BRINP3: variants seen among roughly 807,000 people sequenced by gnomAD.
BRINP3 encodes BMP/retinoic acid-inducible neural-specific protein 3.
Under a neutral mutation model 71.0 loss-of-function variants are expected in BRINP3, and 19 were observed. The ratio of observed to expected loss-of-function variants is 0.27; its 90% CI spans 0.19 to 0.39. The LOEUF (loss-of-function observed/expected upper bound fraction) is 0.39, where lower values mean the gene tolerates loss of function less well. Among genes scored for constraint, BRINP3 ranks in the 10% least tolerant of loss-of-function variants. BRINP3 has a pLI of 1.00. For missense variants in BRINP3, 959 were observed against 940.8 expected (o/e 1.02, Z -0.25); for synonymous variants, 380 against 337.7 (o/e 1.13, Z -1.37).
At chr1:190,260,558 A>T (rs938859115) in intron 4 of BRINP3, among the ~76,000 whole-genome samples, 1 of 151,518 alleles carries the variant, frequency 6.6e-6, no homozygotes, top group African/African-American at 2.4e-5. Flanking sequence ...ATATATATAT[A>T]GAGAGAGAGA....
chr1:190,269,687 T>G (rs550355511), intron 3 of BRINP3, among the ~76,000 whole-genome samples: 1 of 152,070 alleles, frequency 6.6e-6, no homozygotes, highest in South Asian at 2.1e-4. Flanking sequence ...AAATACAAAT[T>G]AAAAGTAATT....
chr1:190,295,327 C>G (rs1010424719), intron 2 of BRINP3, among the ~76,000 whole-genome samples: 5 of 152,062 alleles, frequency 3.3e-5, no homozygotes, highest in African/African-American at 4.8e-5. Flanking sequence ...GGGTCTTAGG[C>G]AAAGCCCCTG....
intron 3 of BRINP3, among the ~76,000 whole-genome samples, chr1:190,273,542 A>C (rs1558133041): frequency 6.6e-6 from 1 of 151,596 alleles, no homozygotes; most frequent in Non-Finnish European, 1.5e-5. Context: ...GGATGCTTTC[A>C]TAGAAAATGG....
At chr1:190,228,125 G>A (rs745642488) in intron 5 of BRINP3, among the ~76,000 whole-genome samples, 1 of 151,842 alleles carries the variant, frequency 6.6e-6, no homozygotes, top group East Asian at 1.9e-4. Flanking sequence ...AAAATACTTA[G>A]AGGCATAAAA....
chr1:190,187,544 T>C (rs1653640067), intron 6 of BRINP3, among the ~76,000 whole-genome samples: 1 of 152,132 alleles, frequency 6.6e-6, no homozygotes, highest in Non-Finnish European at 1.5e-5. Context: ...CTATTTTTAC[T>C]TGATTTATGT....
intron 2 of BRINP3, among the ~76,000 whole-genome samples, chr1:190,360,784 A>G (rs903691131): frequency 2.0e-5 from 3 of 152,132 alleles, no homozygotes; most frequent in Non-Finnish European, 4.4e-5. Context: ...TGTGTTGAGC[A>G]CAGCAGTTAT....
chr1:190,187,763 T>C (rs922530046), intron 6 of BRINP3, among the ~76,000 whole-genome samples: 14 of 152,084 alleles, frequency 9.2e-5, no homozygotes, highest in African/African-American at 3.1e-4. Context: ...GTTTTTTGTG[T>C]TTTTCTTTTT....
At chr1:190,207,244 C>T (rs897596069) in intron 6 of BRINP3, among the ~76,000 whole-genome samples, 11 of 152,096 alleles carry the variant, frequency 7.2e-5, no homozygotes, top group African/African-American at 2.7e-4. Context: ...GGCAAGACTT[C>T]ATGCTTCAAT....
intron 2 of BRINP3, among the ~76,000 whole-genome samples, chr1:190,429,724 G>C (rs1304955862): frequency 6.6e-6 from 1 of 151,600 alleles, no homozygotes; most frequent in South Asian, 2.1e-4. Flanking sequence ...CCAAGTAGCT[G>C]GGATTACAGG....
intron 6 of BRINP3, among the ~76,000 whole-genome samples, chr1:190,222,245 C>A (rs1245177875): frequency 6.6e-6 from 1 of 151,532 alleles, no homozygotes. Context: ...ATAAAAACCA[C>A]AAATTGAAAA....
chr1:190,322,934 C>A (rs774397178), intron 2 of BRINP3, among the ~76,000 whole-genome samples: 1 of 151,894 alleles, frequency 6.6e-6, no homozygotes, highest in Non-Finnish European at 1.5e-5. Context: ...TTTTAAAGAG[C>A]GGGTGATGCA....
intron 2 of BRINP3, among the ~76,000 whole-genome samples, chr1:190,379,904 CAGG>C (rs1374891413): frequency 7.1e-6 from 1 of 141,068 alleles, no homozygotes; most frequent in East Asian, 2.1e-4. Context: ...GAGGCTGAGG[CAGG>C]AGAATTGCTT....
chr1:190,108,394 A>G (rs761461403), intron 7 of BRINP3, among the ~76,000 whole-genome samples: 2 of 151,820 alleles, frequency 1.3e-5, no homozygotes, highest in Non-Finnish European at 2.9e-5. Context: ...CAATGGTTTA[A>G]GGAATGACAA....
At chr1:190,465,975 G>A (rs1676719049) in intron 1 of BRINP3, among the ~76,000 whole-genome samples, 1 of 151,770 alleles carries the variant, frequency 6.6e-6, no homozygotes, top group Admixed American at 6.6e-5. Context: ...ACATGATTTT[G>A]CCTTTCCTGG....
At chr1:190,314,556 A>G (rs1427266263) in intron 2 of BRINP3, among the ~76,000 whole-genome samples, 6 of 152,170 alleles carry the variant, frequency 3.9e-5, no homozygotes, top group Admixed American at 3.9e-4. Context: ...AAGCTGGACT[A>G]ATGGGGGCAT....
At chr1:190,410,299 C>A (rs139559599) in intron 2 of BRINP3, among the ~76,000 whole-genome samples, 90 of 152,108 alleles carry the variant, frequency 5.9e-4, no homozygotes, top group African/African-American at 2.1e-3. Context: ...TTGGCCTGAT[C>A]AACTAGATGA....
intron 1 of BRINP3, among the ~76,000 whole-genome samples, chr1:190,460,393 C>T (rs1292171561): frequency 1.3e-5 from 2 of 151,526 alleles, no homozygotes; most frequent in Admixed American, 1.3e-4. Flanking sequence ...TAAATGAATA[C>T]TAAATACATA....
chr1:190,454,590 G>A, intron 2 of BRINP3, 65 bp downstream of exon 2: 3 of 1,362,530 alleles, frequency 2.2e-6, no homozygotes, highest in Admixed American at 4.2e-5. Flanking sequence ...TTCCCTTAGA[G>A]AAACTTATGT....
chr1:190,149,353 C>T (rs1454925539), intron 7 of BRINP3, among the ~76,000 whole-genome samples: 2 of 152,202 alleles, frequency 1.3e-5, no homozygotes, highest in Non-Finnish European at 2.9e-5. Context: ...GCTTCAGCTT[C>T]ATTCCTGTTT....
Sources: allele counts gnomAD v4.1 joint callset (sites outside exome capture counted in the v4.1 genomes callset), GRCh38; gene constraint gnomAD v4.1.1; transcripts MANE v1.5; gene names NCBI Gene and HGNC (gene_info 2026-07-23, HGNC 2026-07-21).